Variants in SGMS1 observed in about 807,000 individuals in gnomAD.
SGMS1 encodes sphingomyelin synthase 1, also known as phosphatidylcholine:ceramide cholinephosphotransferase 1.
In SGMS1, 13 loss-of-function variants were observed where a neutral mutation model predicts 46.2. That is an observed-to-expected ratio of 0.28 (90% CI 0.18 to 0.45). The LOEUF is 0.45. SGMS1 is among the 20% of genes least tolerant of loss of function. SGMS1 has a pLI of 1.00. For missense variants in SGMS1, 324 were observed against 519.9 expected (o/e 0.62, Z 3.66); for synonymous variants, 203 against 187.8 (o/e 1.08, Z -0.66).
chr10:50,344,360 G>T lies in SGMS1; in HGVS notation c.-231-15C>A. ...GATTCTTCCTTCTGTGAAAGCAAGA[G>T]AAAATATCAAGATGCTGTACTTCCA... On this transcript the variant is annotated splice_polypyrimidine_tract_variant and intron_variant, in intron 6 of 10. Transcript: ENST00000361781. 1 of 457,226 alleles carries T rather than the reference G, an allele frequency of 2.2e-6. No homozygotes were observed. The highest frequency in any genetic ancestry group is 3.3e-5 in the East Asian group (1 of 29,972). The allele number at this position is 457,226 out of a possible 1,614,324, so 28.3% of individuals were successfully genotyped here. A position where few individuals can be genotyped will look rare whatever the true frequency, so the allele number is the denominator to read the frequency against.
intron 5 of SGMS1, among the ~76,000 whole-genome samples, chr10:50,451,679 A>G (rs1406984148): frequency 1.3e-5 from 2 of 152,130 alleles, no homozygotes; most frequent in African/African-American, 4.8e-5. Context: ...AAAAAACTAA[A>G]GTTCATAACA....
chr10:50,339,743 G>A (rs192278262), intron 7 of SGMS1, among the ~76,000 whole-genome samples: 87 of 152,348 alleles, frequency 5.7e-4, no homozygotes, highest in African/African-American at 2.0e-3. Context: ...ATGATGAATA[G>A]GGTCTAGTTC....
chr10:50,622,890 C>T (rs1588895982), intron 1 of SGMS1, among the ~76,000 whole-genome samples: 1 of 152,338 alleles, frequency 6.6e-6, no homozygotes, highest in East Asian at 1.9e-4. Context: ...GAGAGGCAGC[C>T]GCTGCTGCTG....
chr10:50,526,766 A>G (rs1257246499), intron 2 of SGMS1, among the ~76,000 whole-genome samples: 2 of 152,084 alleles, frequency 1.3e-5, no homozygotes, highest in East Asian at 1.9e-4. Flanking sequence ...TATAACTTCA[A>G]GATGAAAAAG....
intron 9 of SGMS1, among the ~76,000 whole-genome samples, chr10:50,310,836 C>G (rs1437545492): frequency 6.6e-6 from 1 of 152,218 alleles, no homozygotes; most frequent in East Asian, 1.9e-4. Context: ...TCTGACCCAT[C>G]ACTGTACCCT....
intron 2 of SGMS1, among the ~76,000 whole-genome samples, chr10:50,574,577 A>G: frequency 6.6e-6 from 1 of 152,218 alleles, no homozygotes; most frequent in East Asian, 1.9e-4. Context: ...AGAAAGCAAG[A>G]TAGAAATTTC....
At chr10:50,599,059 T>C (rs1301783755) in intron 1 of SGMS1, among the ~76,000 whole-genome samples, 1 of 152,090 alleles carries the variant, frequency 6.6e-6, no homozygotes, top group Non-Finnish European at 1.5e-5. Flanking sequence ...CACTGTATAA[T>C]GGAAGCCAAG....
chr10:50,406,123 C>T (rs1483983950), intron 6 of SGMS1, among the ~76,000 whole-genome samples: 1 of 152,074 alleles, frequency 6.6e-6, no homozygotes, highest in Non-Finnish European at 1.5e-5. Context: ...CTCCCTGTGT[C>T]AGTTATCAAT....
intron 6 of SGMS1, among the ~76,000 whole-genome samples, chr10:50,410,046 G>A (rs1849074718): frequency 6.6e-6 from 1 of 151,978 alleles, no homozygotes. Context: ...GAGAATTATA[G>A]GACACACTAA....
chr10:50,569,554 G>A (rs1311072706), intron 2 of SGMS1, among the ~76,000 whole-genome samples: 1 of 152,104 alleles, frequency 6.6e-6, no homozygotes, highest in South Asian at 2.1e-4. Context: ...GCATGAGTAG[G>A]AGGTAGCAAA....
chr10:50,339,017 C>T (rs138449773), intron 7 of SGMS1, among the ~76,000 whole-genome samples: 2,066 of 152,232 alleles, frequency 0.014, 56 homozygotes, highest in African/African-American at 0.047. Flanking sequence ...GGATTACAGG[C>T]GTGAGCCACC....
intron 6 of SGMS1, among the ~76,000 whole-genome samples, chr10:50,356,852 G>A (rs779147215): frequency 1.3e-5 from 2 of 152,078 alleles, no homozygotes; most frequent in Non-Finnish European, 2.9e-5. Context: ...TCACTCATAG[G>A]TGGGAATTGA....
At chr10:50,571,624 T>C (rs1425626572) in intron 2 of SGMS1, among the ~76,000 whole-genome samples, 1 of 152,190 alleles carries the variant, frequency 6.6e-6, no homozygotes, top group African/African-American at 2.4e-5. Flanking sequence ...TAACGCATAC[T>C]ATGTGTCAGG....
chr10:50,379,309 C>T (rs768185), intron 6 of SGMS1, among the ~76,000 whole-genome samples: 33,952 of 152,044 alleles, frequency 0.22, 3,927 homozygotes, highest in East Asian at 0.31. Flanking sequence ...GATGCCTCCT[C>T]ACAACAGAAT....
intron 2 of SGMS1, among the ~76,000 whole-genome samples, chr10:50,551,070 TACATATAGTG>T (rs1257186048): frequency 6.6e-6 from 1 of 152,152 alleles, no homozygotes; most frequent in African/African-American, 2.4e-5. Context: ...TTGTGTGGGC[TACATATAGTG>T]ACTTCCTTCC....
At chr10:50,409,549 T>A (rs1396557906) in intron 6 of SGMS1, among the ~76,000 whole-genome samples, 2 of 152,248 alleles carry the variant, frequency 1.3e-5, no homozygotes, top group African/African-American at 4.8e-5. Context: ...TGAAGTAGAC[T>A]GTGATGACTA....
chr10:50,473,086 A>G (rs1190685253), intron 3 of SGMS1, among the ~76,000 whole-genome samples: 1 of 152,166 alleles, frequency 6.6e-6, no homozygotes, highest in Non-Finnish European at 1.5e-5. Context: ...TTATTCCACT[A>G]CCAACATGTT....
rs537784299 is a variant in SGMS1 at position 50,546,874 on chromosome 10, TA to T, written c.-588-26954del. On this transcript the variant is annotated intron_variant, in intron 2 of 10. Coordinates refer to ENST00000361781, the MANE Select transcript of SGMS1 (RefSeq NM_147156.4). ...TACCCTAAAACTTAAAATATAATAA[TA>T]AAAAAAAAGACCCTGCTTAGAACTT... Among the ~76,000 whole-genome samples, 210 of 151,278 alleles carry T rather than the reference TA, an allele frequency of 1.4e-3. 1 individual carries two copies. Among genetic ancestry groups the T allele is most frequent in the Middle Eastern group, 0.01 (3 of 294 alleles).
chr10:50,622,346 T>C (rs1445685433), intron 1 of SGMS1, among the ~76,000 whole-genome samples: 1 of 152,126 alleles, frequency 6.6e-6, no homozygotes, highest in Non-Finnish European at 1.5e-5. Context: ...CCCATCGCGT[T>C]CCTACGTCAC....
Sources: allele counts gnomAD v4.1 joint callset (sites outside exome capture counted in the v4.1 genomes callset), GRCh38; gene constraint gnomAD v4.1.1; transcripts MANE v1.5; gene names NCBI Gene and HGNC (gene_info 2026-07-23, HGNC 2026-07-21).